The following PDE9A variants were observed in gnomAD, a reference collection of about 807,000 sequenced individuals.
PDE9A encodes the protein high affinity cGMP-specific 3',5'-cyclic phosphodiesterase 9A.
A neutral mutation model predicts 87.4 loss-of-function variants in PDE9A; 60 were observed. The observed-to-expected ratio is 0.69, with a 90% CI of 0.56 to 0.85. PDE9A has a LOEUF of 0.85. Among genes scored for constraint, PDE9A ranks in the 40% least tolerant of loss-of-function variants. PDE9A has a pLI of 0.00. For missense variants in PDE9A, 665 were observed against 779.0 expected, an observed-to-expected ratio of 0.85 and a Z score of 1.74; for synonymous variants, 272 against 279.4, an observed-to-expected ratio of 0.97 and a Z score of 0.27.
At chr21:42,719,276 G>C (rs1285260407) in intron 4 of PDE9A, among the ~76,000 whole-genome samples, 3 of 151,638 alleles carry the variant, frequency 2.0e-5, no homozygotes, top group Admixed American at 2.0e-4. Flanking sequence ...CTTCAACCTG[G>C]AACTTTCTGC....
At chr21:42,670,473 C>G (rs1334530801) in intron 1 of PDE9A, among the ~76,000 whole-genome samples, 1 of 151,798 alleles carries the variant, frequency 6.6e-6, no homozygotes, top group Non-Finnish European at 1.5e-5. Context: ...TGCACATAGA[C>G]TTACACACAT....
rs1204143421 is a variant in PDE9A, at chr21:42,653,965, G to A, written c.69+82G>A. On this transcript the variant is annotated intron_variant, in intron 1 of 19. Coordinates refer to ENST00000291539, the MANE Select transcript of PDE9A (RefSeq NM_002606.3). ...CGGGCGCGGCGGGGCGGGACTGTCCGTGCGTCTGCCGGTCCAGGCTGCGGC... is the reference window on the plus strand; with the variant it reads ...CGGGCGCGGCGGGGCGGGACTGTCCATGCGTCTGCCGGTCCAGGCTGCGGC... 1.3e-5 allele frequency: 10 copies of A among 784,974 alleles called. No homozygotes were observed. The South Asian group carries it at 1.5e-4, about 12-fold the overall frequency. The allele number at this position is 784,974 out of a possible 1,614,324, so 48.6% of individuals were successfully genotyped here. A position where few individuals can be genotyped will look rare whatever the true frequency, so the allele number is the denominator to read the frequency against.
At chr21:42,743,657 C>T (rs1389618795) in intron 7 of PDE9A, 119 bp from the exon 8 acceptor site, 1 of 668,262 alleles carries the variant, frequency 1.5e-6, no homozygotes, top group Non-Finnish European at 2.7e-6. Context: ...GGTGTGGGGA[C>T]CTCTGCACTG....
intron 3 of PDE9A, among the ~76,000 whole-genome samples, chr21:42,698,501 G>C (rs117909932): frequency 0.12 from 18,475 of 152,106 alleles, 1,300 homozygotes; most frequent in East Asian, 0.34. Flanking sequence ...GATGATGGGG[G>C]GAGGGGGGTT....
In PDE9A at chr21:42,653,866, G is replaced by A; in HGVS notation, c.52G>A (p.Asp18Asn). The change falls in exon 1 of 20, where the codon GAT becomes AAT. Residue 18 changes from aspartate to asparagine, a missense_variant. Asp to Asn is a conservative substitution (Grantham distance 23). Coordinates refer to ENST00000291539, the MANE Select transcript of PDE9A (RefSeq NM_002606.3). ...GCCCAAGGCCATCTACCTGGACATC[G>A]ATGGACGCATTCAGAAGGTAGCCCC... The part of the protein sequence containing the change: ...YRPKAIYLDI[D>N]GRIQKVIFSK... 6.4e-7 allele frequency: 1 copy of A among 1,565,220 alleles called. No homozygotes were observed. Among genetic ancestry groups the A allele is most frequent in the Non-Finnish European group, 8.7e-7 (1 of 1,155,146 alleles).
intron 1 of PDE9A, among the ~76,000 whole-genome samples, chr21:42,676,894 C>T (rs2058872061): frequency 6.6e-6 from 1 of 152,194 alleles, no homozygotes; most frequent in South Asian, 2.1e-4. Flanking sequence ...AAATATGAGG[C>T]AGGGTGAAAT....
At chr21:42,748,627 G>T (rs937822186) in intron 8 of PDE9A, among the ~76,000 whole-genome samples, 4 of 152,206 alleles carry the variant, frequency 2.6e-5, no homozygotes, top group African/African-American at 9.7e-5. Context: ...ACAACAGCCG[G>T]CAATGTCCCC....
In PDE9A at chr21:42,759,146, A is replaced by G; in HGVS notation, c.897+61A>G. 1 of 1,179,870 alleles carries G rather than the reference A, an allele frequency of 8.5e-7. No individual in the cohort carries two copies. The highest frequency in any genetic ancestry group is 1.2e-5 in the South Asian group (1 of 80,140). 73.1% of individuals were successfully genotyped at this position (1,179,870 alleles called of 1,614,324 possible). On this transcript the variant is annotated intron_variant, in intron 11 of 19. Transcript: ENST00000291539. The surrounding 1 kb of genome is among the most constrained non-coding windows in gnomAD (Gnocchi z 7.2). The stretch of plus-strand genomic sequence containing the variant: ...ACGTGGTTTCATCCAGTTCCACAGG[A>G]ATGGAGGGAATGGATCACCAGGGCA...
chr21:42,772,597 G>A, intron 19 of PDE9A, 77 bp downstream of exon 19: 1 of 1,023,766 alleles, frequency 9.8e-7, no homozygotes, highest in Non-Finnish European at 1.5e-6. Flanking sequence ...AGAGGAAGGG[G>A]AGAAAATCTG....
chr21:42,692,205 C>T lies in PDE9A; in HGVS notation c.218+4211C>T, dbSNP rs375819922. Among the ~76,000 whole-genome samples, 1 of 152,190 alleles carries T rather than the reference C, an allele frequency of 6.6e-6. No homozygotes were observed. The stretch of plus-strand genomic sequence containing the variant: ...GGAATGAGTTGGGGACGGAGTGAAC[C>T]AGTCCAGCTCGTGCGTGCCTCCCCC... On this transcript the variant is annotated intron_variant, in intron 3 of 19. Transcript: ENST00000291539. This position sits in a 1 kb window ranked among gnomAD's most constrained non-coding sequence, Gnocchi z 4.3.
rs1246828424 is a variant in PDE9A, at chr21:42,726,620, A to AT, written c.263-5149dup. On this transcript the variant is annotated intron_variant, in intron 4 of 19. Transcript: ENST00000291539. ...TATATATATATATATATATATATAT[A>AT]TATATTTTTTTTTTTTTTTTTGTAG... 1.9e-3 allele frequency among the ~76,000 whole-genome samples: 46 copies of AT among 24,232 alleles called. 1 individual carries two copies. The highest frequency in any genetic ancestry group is 2.7e-3 in the Non-Finnish European group (39 of 14,670). 15.9% of individuals were successfully genotyped at this position (24,232 alleles called of 152,430 possible).
At chr21:42,753,733 G>C (rs547089120) in intron 9 of PDE9A, among the ~76,000 whole-genome samples, 2 of 151,852 alleles carry the variant, frequency 1.3e-5, no homozygotes, top group Non-Finnish European at 2.9e-5. Flanking sequence ...GCATGGTGGC[G>C]GGCGCCTGCA....
At chr21:42,767,674 A>G (rs2056538597) in intron 15 of PDE9A, among the ~76,000 whole-genome samples, 1 of 152,158 alleles carries the variant, frequency 6.6e-6, no homozygotes, top group Non-Finnish European at 1.5e-5. Flanking sequence ...TTGGTCTGGA[A>G]ACCTGGTGAT....
At chr21:42,683,780 T>TA (rs1261368152) in intron 1 of PDE9A, among the ~76,000 whole-genome samples, 1 of 152,190 alleles carries the variant, frequency 6.6e-6, no homozygotes, top group Non-Finnish European at 1.5e-5. Context: ...CAAGGAGCCA[T>TA]GATTTGAGTC....
At chr21:42,664,792 G>A (rs537050096) in intron 1 of PDE9A, among the ~76,000 whole-genome samples, 11 of 152,288 alleles carry the variant, frequency 7.2e-5, no homozygotes, top group African/African-American at 1.4e-4. Flanking sequence ...ACACACGGCC[G>A]GGTCGGCCTT....
At position 42,686,220 on chromosome 21, in the gene PDE9A, G is replaced by A; in HGVS notation, c.98G>A (p.Ser33Asn). 1.2e-6 allele frequency: 2 copies of A among 1,613,990 alleles called. No individual in the cohort carries two copies. Among genetic ancestry groups the A allele is most frequent in the African/African-American group, 1.3e-5 (1 of 75,072 alleles). Residue 33 changes from serine to asparagine, a missense_variant, in exon 2 of 20, where the codon AGC (serine) becomes AAC (asparagine). By Grantham distance (46) the Ser-to-Asn change is conservative. Coordinates refer to ENST00000291539, the MANE Select transcript of PDE9A (RefSeq NM_002606.3). ...KVIFSKYCNS[S>N]DIMDLFCIAT... The stretch of plus-strand genomic sequence containing the variant: ...ATCTTCAGCAAGTACTGCAACTCCA[G>A]CGACATCATGGACCTGTTCTGCATC...
chr21:42,765,439 C>A lies in PDE9A; in HGVS notation c.1301C>A (p.Ser434Tyr). 1 of 1,612,986 alleles carries A rather than the reference C, an allele frequency of 6.2e-7. No individual in the cohort carries two copies. The highest frequency in any genetic ancestry group is 8.5e-7 in the Non-Finnish European group (1 of 1,178,990). ...DMARHAEIMD[S>Y]FKEKMENFDY... is the part of the protein sequence containing the mutation. Reference sequence around the variant, plus strand: ...GCAAGACATGCAGAAATTATGGATTCTTTCAAAGAGAAAATGGAGAATTTT... The same window carrying A: ...GCAAGACATGCAGAAATTATGGATTATTTCAAAGAGAAAATGGAGAATTTT... The change falls in exon 15 of 20, where the codon TCT becomes TAT. Residue 434 changes from serine to tyrosine, a missense_variant. Ser to Tyr is a moderately radical substitution (Grantham distance 144). Coordinates refer to ENST00000291539, the MANE Select transcript of PDE9A (RefSeq NM_002606.3).
Position 42,659,734 on chromosome 21 carries a change from C to A in PDE9A, c.69+5851C>A, listed in dbSNP as rs2057344236. On this transcript the variant is annotated intron_variant, in intron 1 of 19. Transcript: ENST00000291539. This position sits in a 1 kb window ranked among gnomAD's most constrained non-coding sequence, Gnocchi z 4.1. The stretch of plus-strand genomic sequence containing the variant: ...GCTCCCATGAAGAAGGAGCCAGAAC[C>A]ACAGGCCCCATGAGCCCAGGTCCCA... 6.6e-6 allele frequency among the ~76,000 whole-genome samples: 1 copy of A among 152,228 alleles called. No individual in the cohort carries two copies. The highest frequency in any genetic ancestry group is 2.4e-5 in the African/African-American group (1 of 41,456).
At chr21:42,672,971 C>T (rs1456427666) in intron 1 of PDE9A, among the ~76,000 whole-genome samples, 1 of 152,202 alleles carries the variant, frequency 6.6e-6, no homozygotes, top group Non-Finnish European at 1.5e-5. Context: ...GTGCTACTTG[C>T]TTGCGAAACA....
Sources: gnomAD v4.1 joint callset for allele counts (sites outside exome capture counted in the v4.1 genomes callset) on GRCh38, gnomAD v4.1.1 for gene constraint, Gnocchi (gnomAD v3.1) non-coding constraint, MANE v1.5 for transcripts, NCBI Gene and HGNC (gene_info 2026-07-23, HGNC 2026-07-21) for gene names.